ECPAS: variants seen among roughly 807,000 people sequenced by gnomAD.
The protein encoded by ECPAS is proteasome adapter and scaffold protein ECM29.
A neutral mutation model predicts 255.1 loss-of-function variants in ECPAS; 70 were observed. The ratio of observed to expected loss-of-function variants is 0.27; its 90% CI spans 0.23 to 0.33. The LOEUF (loss-of-function observed/expected upper bound fraction) is 0.33. Ranked by LOEUF, ECPAS falls within the 10% of genes least tolerant of loss-of-function variation. ECPAS has a pLI of 1.00. For missense variants in ECPAS, 1,817 were observed against 2,206.4 expected (o/e 0.82, Z 3.54); for synonymous variants, 784 against 775.0 (o/e 1.01, Z -0.19).
intron 3 of ECPAS, among the ~76,000 whole-genome samples, chr9:111,448,318 C>A (rs2098255933): frequency 6.6e-6 from 1 of 151,466 alleles, no homozygotes; most frequent in African/African-American, 2.4e-5. Context: ...CAGGCTGGGG[C>A]AAATATTTTA....
intron 24 of ECPAS, among the ~76,000 whole-genome samples, chr9:111,399,434 G>A (rs910055169): frequency 2.6e-5 from 4 of 152,186 alleles, no homozygotes; most frequent in African/African-American, 9.7e-5. Context: ...TGTGTGCTTG[G>A]GTGAAGCAGA....
Position 111,366,331 on chromosome 9 carries a change from T to C in ECPAS, c.5220-4A>G, listed in dbSNP as rs770993242. On this transcript the variant is annotated splice_polypyrimidine_tract_variant and splice_region_variant and intron_variant, in intron 47 of 49. Coordinates refer to ENST00000684092, the MANE Select transcript of ECPAS (RefSeq NM_001364929.1). ...TTCTTCTTCCAAAAGCATTAACCTA[T>C]ACAAATCAGAAAGCAAGGTACAAAT... The C allele has an allele frequency of 7.0e-6, 11 of 1,563,262 alleles. No individual in the cohort carries two copies. The highest frequency in any genetic ancestry group is 9.5e-6 in the Non-Finnish European group (11 of 1,151,982).
chr9:111,468,870 C>T (rs2098282800), intron 2 of ECPAS, among the ~76,000 whole-genome samples: 1 of 152,078 alleles, frequency 6.6e-6, no homozygotes, highest in Non-Finnish European at 1.5e-5. Context: ...GAGGCTAAAA[C>T]TATGGAAAAA....
chr9:111,420,714 A>G (rs1386799351), intron 15 of ECPAS, among the ~76,000 whole-genome samples: 1 of 152,206 alleles, frequency 6.6e-6, no homozygotes, highest in Non-Finnish European at 1.5e-5. Flanking sequence ...CTGATCCTGA[A>G]GCTTTATTCT....
At chr9:111,444,236 T>C in intron 4 of ECPAS, 142 bp downstream of exon 4, 1 of 580,684 alleles carries the variant, frequency 1.7e-6, no homozygotes, top group East Asian at 2.9e-5. Context: ...CAGTGTGTCA[T>C]TTAAAAAAAA....
intron 48 of ECPAS, among the ~76,000 whole-genome samples, chr9:111,365,202 C>T (rs1216533912): frequency 6.6e-6 from 1 of 151,932 alleles, no homozygotes; most frequent in Non-Finnish European, 1.5e-5. Context: ...ACCCAGAAGG[C>T]AGAGTTGCAG....
intron 2 of ECPAS, among the ~76,000 whole-genome samples, chr9:111,459,148 T>C (rs1169194321): frequency 1.3e-5 from 2 of 152,242 alleles, no homozygotes; most frequent in Non-Finnish European, 2.9e-5. Context: ...TTTCCATATG[T>C]TATATAAATA....
At chr9:111,365,707 C>A (rs1396611520) in intron 48 of ECPAS, 1 of 152,398 alleles carries the variant, frequency 6.6e-6, no homozygotes, top group Non-Finnish European at 1.5e-5. Context: ...ACCGAATCAA[C>A]TGAACAAACT....
At chr9:111,464,434 G>GAAAA (rs919587017) in intron 2 of ECPAS, among the ~76,000 whole-genome samples, 1 of 89,914 alleles carries the variant, frequency 1.1e-5, no homozygotes. Context: ...TATCTCAAAA[G>GAAAA]AAAAAAAAAA....
At chr9:111,421,724 TA>T (rs1448489093) in intron 15 of ECPAS, among the ~76,000 whole-genome samples, 196 bp downstream of exon 15, 8 of 152,184 alleles carry the variant, frequency 5.3e-5, no homozygotes, top group African/African-American at 1.4e-4. Flanking sequence ...GCTCTAAACA[TA>T]AGCATCGCTA....
At chr9:111,476,499 A>T (rs2132109185) in intron 1 of ECPAS, among the ~76,000 whole-genome samples, 2 of 152,278 alleles carry the variant, frequency 1.3e-5, no homozygotes. Context: ...AACTGCCTTT[A>T]ACAGTCAAAA....
In ECPAS at chr9:111,371,605, T is replaced by C. The variant is rs1394633391; in HGVS notation, c.4737+16A>G. 6.2e-7 allele frequency: 1 copy of C among 1,606,976 alleles called. No individual in the cohort carries two copies. Among genetic ancestry groups the C allele is most frequent in the Non-Finnish European group, 8.5e-7 (1 of 1,174,330 alleles). ...AAGTCAGAATCCCTTTAACTGGGTATGAATGGTTCCTTTACCTTTCCTGCC... is the reference window on the plus strand; with the variant it reads ...AAGTCAGAATCCCTTTAACTGGGTACGAATGGTTCCTTTACCTTTCCTGCC... On this transcript the variant is annotated intron_variant, in intron 43 of 49. Transcript: ENST00000684092.
At chr9:111,450,411 A>G (rs573022843) in intron 3 of ECPAS, among the ~76,000 whole-genome samples, 1 of 152,166 alleles carries the variant, frequency 6.6e-6, no homozygotes, top group Non-Finnish European at 1.5e-5. Flanking sequence ...ATAAACATAA[A>G]AGACATTCCT....
chr9:111,474,747 G>A (rs1255146595), intron 1 of ECPAS, among the ~76,000 whole-genome samples: 2 of 152,190 alleles, frequency 1.3e-5, no homozygotes, highest in Admixed American at 1.3e-4. Flanking sequence ...GAGCTTAAGT[G>A]TTTACACAGT....
rs545078090 is a variant in ECPAS at position 111,450,577 on chromosome 9, A to T, written c.153+848T>A. ...CTATTATAAATATACTGGAAGACTA[A>T]TGAAATATTCTACAAATCAAGGGGG... On this transcript the variant is annotated intron_variant, in intron 3 of 49. Coordinates refer to ENST00000684092, the MANE Select transcript of ECPAS (RefSeq NM_001364929.1). 2.0e-5 allele frequency among the ~76,000 whole-genome samples: 3 copies of T among 152,306 alleles called. No individual in the cohort carries two copies. The South Asian group carries it at 6.2e-4, about 32-fold the overall frequency.
chr9:111,407,438 A>AC (rs2098186667), intron 24 of ECPAS, among the ~76,000 whole-genome samples: 1 of 124,844 alleles, frequency 8.0e-6, no homozygotes, highest in Non-Finnish European at 1.6e-5. Context: ...AAAAAAAAAA[A>AC]CCTAGAAGAA....
At chr9:111,435,735 AGT>A (rs1465747900) in intron 7 of ECPAS, among the ~76,000 whole-genome samples, 4 of 146,398 alleles carry the variant, frequency 2.7e-5, no homozygotes, top group Non-Finnish European at 5.9e-5. Context: ...GCTGGAGTGC[AGT>A]GGCACGATCT....
intron 5 of ECPAS, among the ~76,000 whole-genome samples, chr9:111,441,403 G>A (rs143189951): frequency 0.014 from 2,064 of 151,730 alleles, 57 homozygotes; most frequent in African/African-American, 0.047. Context: ...TACTCAGGAG[G>A]CTAAGGCAGG....
At chr9:111,440,123 A>G (rs756475587) in intron 6 of ECPAS, among the ~76,000 whole-genome samples, 2 of 152,086 alleles carry the variant, frequency 1.3e-5, no homozygotes, top group African/African-American at 4.8e-5. Context: ...TTGGCCTAAC[A>G]GGAACTATTT....
Sources: gnomAD v4.1 joint callset for allele counts (sites outside exome capture counted in the v4.1 genomes callset) on GRCh38, gnomAD v4.1.1 for gene constraint, MANE v1.5 for transcripts, NCBI Gene and HGNC (gene_info 2026-07-23, HGNC 2026-07-21) for gene names.